Variants in LAMA1 observed in about 807,000 individuals in gnomAD.
The protein encoded by LAMA1 is laminin subunit alpha-1.
Under a neutral mutation model 348.7 loss-of-function variants are expected in LAMA1, and 219 were observed. The ratio of observed to expected loss-of-function variants is 0.63; its 90% CI spans 0.56 to 0.70. The LOEUF (loss-of-function observed/expected upper bound fraction) is 0.70, where lower values mean the gene tolerates loss of function less well. Ranked by LOEUF, LAMA1 falls within the 30% of genes least tolerant of loss-of-function variation. The pLI, the probability that LAMA1 is intolerant of heterozygous loss-of-function variation, is 0.00. For missense variants in LAMA1, 3,744 were observed against 3,888.0 expected (o/e 0.96, Z 0.99); for synonymous variants, 1,487 against 1,491.0 (o/e 1.00, Z 0.06).
chr18:7,037,891 TG>T, intron 11 of LAMA1, 140 bp from the exon 12 acceptor site: 1 of 825,670 alleles, frequency 1.2e-6, no homozygotes, highest in Non-Finnish European at 2.0e-6. Flanking sequence ...CACCTGTGGC[TG>T]CTGAACCTCA....
At chr18:6,944,006 C>G (rs541998409) in intron 61 of LAMA1, among the ~76,000 whole-genome samples, 1 of 152,178 alleles carries the variant, frequency 6.6e-6, no homozygotes, top group African/African-American at 2.4e-5. Context: ...ACTGGAGGTG[C>G]TGGTCATACT....
chr18:6,955,232 C>A, intron 57 of LAMA1, 121 bp downstream of exon 57: 1 of 789,868 alleles, frequency 1.3e-6, no homozygotes, highest in African/African-American at 1.7e-5. Flanking sequence ...CATTTGGTTG[C>A]AAATCAAGCA....
rs374186129 is a variant in LAMA1 at position 7,115,819 on chromosome 18, A to C, written c.61+1841T>G. On this transcript the variant is annotated intron_variant, in intron 1 of 62. Coordinates refer to ENST00000389658, the MANE Select transcript of LAMA1 (RefSeq NM_005559.4). ...CCCTGTCTCCACTAAAAATACAAAA[A>C]AAAAAAAAAAAAAATAGCCGGGCGT... 3.4e-3 allele frequency among the ~76,000 whole-genome samples: 180 copies of C among 53,682 alleles called. 1 individual carries two copies. Among genetic ancestry groups the C allele is most frequent in the South Asian group, 0.013 (11 of 880 alleles). The allele number at this position is 53,682 out of a possible 152,430, so 35.2% of individuals were successfully genotyped here.
At chr18:7,098,558 A>T (rs1179301469) in intron 1 of LAMA1, among the ~76,000 whole-genome samples, 1 of 145,364 alleles carries the variant, frequency 6.9e-6, no homozygotes, top group Non-Finnish European at 1.5e-5. Flanking sequence ...CTGGGAGGTG[A>T]GGAGCATCTC....
chr18:7,034,511 G>T lies in LAMA1; in HGVS notation c.2019C>A (p.Ala673=). ...GAGCCATTTTTGCAGAATTGTAGTT[G>T]GCTCTGATCAAAAGATGTGTCACAT... ...LANVTHLLIR[A]NYNSAKMALY... The change falls in exon 14 of 63, where the codon GCC becomes GCA. Residue 673 remains alanine (A), a synonymous_variant. Transcript: ENST00000389658. The T allele has an allele frequency of 6.2e-7, 1 of 1,614,070 alleles. No homozygotes were observed. Among genetic ancestry groups the T allele is most frequent in the Non-Finnish European group, 8.5e-7 (1 of 1,180,004 alleles).
At chr18:7,018,552 C>T (rs958248826) in intron 19 of LAMA1, among the ~76,000 whole-genome samples, 8 of 151,398 alleles carry the variant, frequency 5.3e-5, no homozygotes, top group South Asian at 2.1e-4. Flanking sequence ...CCTGCCACCA[C>T]GCCTGGCTAA....
chr18:6,959,687 C>T, intron 53 of LAMA1, 195 bp from the exon 54 acceptor site: 1 of 628,434 alleles, frequency 1.6e-6, no homozygotes, highest in Non-Finnish European at 2.8e-6. Flanking sequence ...TTATATTCTG[C>T]ATTATGCTAT....
chr18:6,999,524 G>A lies in LAMA1; in HGVS notation c.4584C>T (p.Cys1528=), dbSNP rs757740938. ...HGDCDRTSGQ[C]VCRLGASGLR... ...GCCCCGAGGCCCCCAGCCTGCAAAC[G>A]CACTGCCCAGATGTGCGGTCACAGT... Residue 1528 remains cysteine, a synonymous_variant, in exon 32 of 63, where the codon TGC becomes TGT. Coordinates refer to ENST00000389658, the MANE Select transcript of LAMA1 (RefSeq NM_005559.4). 10 of 1,613,982 alleles carry A rather than the reference G, an allele frequency of 6.2e-6. No individual in the cohort carries two copies. Among genetic ancestry groups the A allele is most frequent in the African/African-American group, 4.0e-5 (3 of 74,916 alleles).
intron 3 of LAMA1, among the ~76,000 whole-genome samples, chr18:7,078,582 A>C (rs188872832): frequency 6.6e-6 from 1 of 152,302 alleles, no homozygotes; most frequent in Admixed American, 6.5e-5. Flanking sequence ...TGTGAACCTG[A>C]ACTTGGAAAA....
At position 7,085,210 on chromosome 18, in the gene LAMA1, T is replaced by C. The variant is rs532807757; in HGVS notation, c.62-4753A>G. On this transcript the variant is annotated intron_variant, in intron 1 of 62. Coordinates refer to ENST00000389658, the MANE Select transcript of LAMA1 (RefSeq NM_005559.4). ...AAGAGAATATGAATATTTTATAGGGTTGAATAATCAGGGTGGCTTCTGGTG... is the reference window on the plus strand; with the variant it reads ...AAGAGAATATGAATATTTTATAGGGCTGAATAATCAGGGTGGCTTCTGGTG... 7.9e-5 allele frequency among the ~76,000 whole-genome samples: 12 copies of C among 152,164 alleles called. 1 individual carries two copies. The East Asian group carries it at 1.5e-3, about 20-fold the overall frequency.
chr18:6,979,791 C>T (rs866354685), intron 42 of LAMA1, among the ~76,000 whole-genome samples: 41 of 152,012 alleles, frequency 2.7e-4, no homozygotes, highest in African/African-American at 8.9e-4. Flanking sequence ...CCCAGCTACT[C>T]GGGAGGCTGA....
chr18:6,965,846 CAT>C (rs1356743353), intron 49 of LAMA1: 4 of 424,730 alleles, frequency 9.4e-6, no homozygotes, highest in African/African-American at 2.0e-5. Flanking sequence ...CAGAACAAGA[CAT>C]ATTATTTGAG....
chr18:7,030,451 G>A (rs114228565), intron 16 of LAMA1, among the ~76,000 whole-genome samples: 1,561 of 152,014 alleles, frequency 0.01, 22 homozygotes, highest in African/African-American at 0.036. Flanking sequence ...CAAAAAAAAG[G>A]AGCATGAGTG....
rs545219025 is a variant in LAMA1, at chr18:7,020,835, C to A, written c.2701+2329G>T. Among the ~76,000 whole-genome samples the A allele has an allele frequency of 5.3e-5, 8 of 152,332 alleles. No individual in the cohort carries two copies. The South Asian group carries it at 6.2e-4, about 12-fold the overall frequency. ...TCTCCTAACCCAACACCCCTGGCAG[C>A]CATTCCCTCCTCAACGCTGGCAGCA... On this transcript the variant is annotated intron_variant, in intron 19 of 62. Transcript: ENST00000389658.
At chr18:7,059,788 C>A (rs2058095711) in intron 3 of LAMA1, among the ~76,000 whole-genome samples, 1 of 152,166 alleles carries the variant, frequency 6.6e-6, no homozygotes, top group African/African-American at 2.4e-5. Context: ...TGAATGAAGG[C>A]ATGTTTTCTC....
chr18:7,053,649 C>A (rs2058070490), intron 3 of LAMA1, among the ~76,000 whole-genome samples: 1 of 152,154 alleles, frequency 6.6e-6, no homozygotes, highest in Non-Finnish European at 1.5e-5. Flanking sequence ...AGATATCTAG[C>A]CCAAAATCTA....
Position 7,026,003 on chromosome 18 carries a change from C to T in LAMA1, c.2378G>A (p.Cys793Tyr). Residue 793 changes from cysteine (C) to tyrosine (Y), a missense_variant, in exon 17 of 63, where the codon TGC becomes TAC. Physicochemically the swap from Cys to Tyr is radical, Grantham distance 194. This residue lies in a region of LAMA1 where 1,529 missense variants were observed against 1,689.4 expected (regional missense o/e 0.91). Transcript: ENST00000389658. ...CTTGTTGGAGGCTATGGTGAGAGGGCAGGCGCAGGGCTGGCAGTCCCCAGG... is the reference window on the plus strand; with the variant it reads ...CTTGTTGGAGGCTATGGTGAGAGGGTAGGCGCAGGGCTGGCAGTCCCCAGG... ...GTPGDCQPCA[C>Y]PLTIASNNFS... 1 of 1,608,720 alleles carries T rather than the reference C, an allele frequency of 6.2e-7. No homozygotes were observed. Among genetic ancestry groups the T allele is most frequent in the Non-Finnish European group, 8.5e-7 (1 of 1,177,620 alleles).
intron 48 of LAMA1, 37 bp from the exon 49 acceptor site, chr18:6,966,334 A>G: frequency 3.8e-6 from 6 of 1,597,220 alleles, no homozygotes; most frequent in Non-Finnish European, 5.1e-6. Flanking sequence ...ATCCATTCTC[A>G]GGAGGGTAGA....
chr18:6,957,064 T>C, intron 55 of LAMA1: 1 of 390,150 alleles, frequency 2.6e-6, no homozygotes, highest in East Asian at 6.1e-5. Context: ...TCCTGCAGCC[T>C]TGACTGGGCT....
Sources: allele counts gnomAD v4.1 joint callset (sites outside exome capture counted in the v4.1 genomes callset), GRCh38; gene constraint gnomAD v4.1.1; regional missense constraint gnomAD v4.1.1; transcripts MANE v1.5; gene names NCBI Gene and HGNC (gene_info 2026-07-23, HGNC 2026-07-21).